Variants in INSL6 observed in about 807,000 individuals in gnomAD.
INSL6 encodes insulin like 6.
Under a neutral mutation model 9.4 loss-of-function variants are expected in INSL6, and 16 were observed. That is an observed-to-expected ratio of 1.70 (90% CI 1.15 to 2.59). The LOEUF is 2.59. Ranked by LOEUF, INSL6 falls within the 30% of genes most tolerant of loss-of-function variation. The probability of loss-of-function intolerance (pLI) is 0.00; values close to 1 mark genes in which losing one functional copy is unlikely to be tolerated. For synonymous variants in INSL6, 154 were observed against 96.9 expected (o/e 1.59, Z -3.46); for missense variants, 391 against 257.3 (o/e 1.52, Z -3.56).
intron 2 of INSL6, among the ~76,000 whole-genome samples, chr9:5,135,693 TA>T (rs1824376100): frequency 1.3e-5 from 2 of 151,980 alleles, no homozygotes. Context: ...ATTGACACCC[TA>T]ACATCACAAT....
At chr9:5,111,634 G>T in the INSL6 span, 2 of 379,848 alleles carry the variant, frequency 5.3e-6, no homozygotes, top group South Asian at 4.0e-5. Flanking sequence ...TGCTGGGCGG[G>T]GGCTCATGCC....
At chr9:5,070,623 C>T in the INSL6 span, among the ~76,000 whole-genome samples, 5 of 151,630 alleles carry the variant, frequency 3.3e-5, no homozygotes, top group African/African-American at 1.2e-4. Context: ...GCTGTGTCAC[C>T]CAGGCTGGAA....
chr9:5,081,687 T>G, the INSL6 span: 4 of 1,456,080 alleles, frequency 2.7e-6, no homozygotes, highest in Non-Finnish European at 3.8e-6. Context: ...AGAATGTTAT[T>G]TGCTAATTTA....
chr9:5,168,614 C>A (rs1825109068), intron 1 of INSL6, among the ~76,000 whole-genome samples: 1 of 151,728 alleles, frequency 6.6e-6, no homozygotes, highest in African/African-American at 2.4e-5. Context: ...AATAGGGGCA[C>A]CTGAACAAGA....
downstream of INSL6, among the ~76,000 whole-genome samples, chr9:5,163,301 G>C (rs773360256): frequency 1.8e-4 from 27 of 152,134 alleles, no homozygotes; most frequent in Non-Finnish European, 3.7e-4. Flanking sequence ...GATTTATGTT[G>C]ATTCAGATTA....
intron 1 of INSL6, among the ~76,000 whole-genome samples, chr9:5,180,998 A>G (rs908726128): frequency 6.6e-6 from 1 of 152,144 alleles, no homozygotes; most frequent in Non-Finnish European, 1.5e-5. Context: ...AGTCCTACTG[A>G]TATGTGCTGT....
chr9:5,185,230 G>C, intron 1 of INSL6, 84 bp downstream of exon 1: 1 of 1,548,808 alleles, frequency 6.5e-7, no homozygotes, highest in Admixed American at 1.7e-5. Flanking sequence ...CCACTTCCTG[G>C]GGAAGCTCAC....
At chr9:5,144,020 T>C (rs772164972) in intron 2 of INSL6, among the ~76,000 whole-genome samples, 1 of 152,228 alleles carries the variant, frequency 6.6e-6, no homozygotes, top group Non-Finnish European at 1.5e-5. Context: ...GCTCTGATTT[T>C]GGTTATTTCT....
the INSL6 span, among the ~76,000 whole-genome samples, chr9:5,037,529 G>A: frequency 3.9e-5 from 6 of 152,134 alleles, no homozygotes; most frequent in South Asian, 2.1e-4. Context: ...GTGCAGCCAT[G>A]AAAAATGATG....
intron 1 of INSL6, among the ~76,000 whole-genome samples, chr9:5,177,338 C>T (rs12341638): frequency 0.023 from 3,502 of 152,226 alleles, 120 homozygotes; most frequent in African/African-American, 0.074. Context: ...CCACCCCGCC[C>T]GGGAAATCAC....
At chr9:5,183,376 G>A (rs376338472) in intron 1 of INSL6, among the ~76,000 whole-genome samples, 2 of 152,052 alleles carry the variant, frequency 1.3e-5, no homozygotes, top group African/African-American at 2.4e-5. Context: ...GGTTTTGTGG[G>A]TATAACAATT....
the INSL6 span, among the ~76,000 whole-genome samples, chr9:5,075,396 G>A: frequency 1.3e-5 from 2 of 152,168 alleles, no homozygotes; most frequent in Non-Finnish European, 2.9e-5. Context: ...AGCTTCGAAG[G>A]ACAGGCTGAC....
chr9:4,998,888 T>A, the INSL6 span, among the ~76,000 whole-genome samples: 1 of 152,130 alleles, frequency 6.6e-6, no homozygotes. Flanking sequence ...TGTAGTGCAG[T>A]GGTGCGATCT....
Position 5,142,272 on chromosome 9 carries a change from G to A in INSL6, c.377-8680C>T, listed in dbSNP as rs564806981. Among the ~76,000 whole-genome samples the A allele has an allele frequency of 3.9e-5, 6 of 152,240 alleles. No individual in the cohort carries two copies. In the East Asian group the frequency reaches 1.2e-3, roughly 29 times the overall value. ...AAAAATGTCAATGGTAGCTTAACAGGTATAACACTGAATCTGTAGATTGCT... is the reference window on the plus strand; with the variant it reads ...AAAAATGTCAATGGTAGCTTAACAGATATAACACTGAATCTGTAGATTGCT... On this transcript the variant is annotated intron_variant, in intron 2 of 3. Transcript: ENST00000649639.
chr9:5,146,356 T>G lies in INSL6; in HGVS notation c.377-12764A>C, dbSNP rs561427344. On this transcript the variant is annotated intron_variant, in intron 2 of 3. Coordinates refer to the INSL6 transcript ENST00000649639. The stretch of plus-strand genomic sequence containing the variant: ...TGTGGCAGCTGCATCGGAGTGCTAG[T>G]GGATTCAGGGGTGCCTGCCTCCCTG... Among the ~76,000 whole-genome samples the G allele has an allele frequency of 2.8e-3, 427 of 152,254 alleles. 3 individuals are homozygous for G. Among genetic ancestry groups the G allele is most frequent in the African/African-American group, 9.7e-3 (402 of 41,556 alleles).
At chr9:5,062,460 G>C in the INSL6 span, among the ~76,000 whole-genome samples, 54 of 122,186 alleles carry the variant, frequency 4.4e-4, no homozygotes, top group African/African-American at 1.6e-3. Context: ...TGATAGACTT[G>C]TACTTGCTCC....
At chr9:5,054,856 A>G in the INSL6 span, 1 of 1,607,608 alleles carries the variant, frequency 6.2e-7, no homozygotes, top group Non-Finnish European at 8.5e-7. This position sits in a 1 kb window ranked among gnomAD's most constrained non-coding sequence, Gnocchi z 4.9. Context: ...AGAGGGAAAC[A>G]TAAAGAAAGT....
chr9:5,128,144 C>T (rs2130871587), intron 3 of INSL6: 1 of 227,558 alleles, frequency 4.4e-6, no homozygotes, highest in East Asian at 6.1e-5. Context: ...ACTTAAAATA[C>T]TTGCTGTTTT....
the INSL6 span, among the ~76,000 whole-genome samples, chr9:5,040,080 A>G: frequency 0.25 from 38,212 of 152,150 alleles, 5,073 homozygotes; most frequent in South Asian, 0.32. Flanking sequence ...GACTGTAATC[A>G]AGACAATGTG....
Sources: allele counts gnomAD v4.1 joint callset (sites outside exome capture counted in the v4.1 genomes callset), GRCh38; gene constraint gnomAD v4.1.1; non-coding constraint Gnocchi (gnomAD v3.1); transcripts MANE v1.5; gene names NCBI Gene and HGNC (gene_info 2026-07-23, HGNC 2026-07-21).